The following KCNMB4 variants were observed in gnomAD, a reference collection of about 807,000 sequenced individuals.
The protein encoded by KCNMB4 is potassium calcium-activated channel subfamily M regulatory beta subunit 4, also known as calcium-activated potassium channel subunit beta-4.
Under a neutral mutation model 20.7 loss-of-function variants are expected in KCNMB4, and 3 were observed. The observed-to-expected ratio is 0.14, with a 90% CI of 0.07 to 0.37. The LOEUF (loss-of-function observed/expected upper bound fraction) is 0.37, where lower values mean the gene tolerates loss of function less well. Ranked by LOEUF, KCNMB4 falls within the 10% of genes least tolerant of loss-of-function variation. KCNMB4 has a pLI of 1.00. For synonymous variants in KCNMB4, 110 were observed against 113.4 expected (o/e 0.97, Z 0.19); for missense variants, 168 against 265.9 (o/e 0.63, Z 2.56).
chr12:70,430,781 C>T lies in KCNMB4; in HGVS notation c.*128C>T, dbSNP rs1168823009. On this transcript the variant is annotated 3_prime_UTR_variant, in exon 3 of 3. Transcript: ENST00000258111. The stretch of plus-strand genomic sequence containing the variant: ...ACGACAGGGCTCTGAGAGGCTCATC[C>T]CTCAGTGGCAACAGAAACAGGCACA... 1.2e-6 allele frequency: 1 copy of T among 851,476 alleles called. No individual in the cohort carries two copies. Among genetic ancestry groups the T allele is most frequent in the African/African-American group, 1.8e-5 (1 of 56,100 alleles). 52.7% of individuals were successfully genotyped at this position (851,476 alleles called of 1,614,324 possible). A position where few individuals can be genotyped will look rare whatever the true frequency, so the allele number is the denominator to read the frequency against.
chr12:70,383,554 T>A (rs958067322), intron 1 of KCNMB4, among the ~76,000 whole-genome samples: 2 of 152,212 alleles, frequency 1.3e-5, no homozygotes, highest in Non-Finnish European at 2.9e-5. Context: ...GATTTATTTG[T>A]CCACAGTTCT....
intron 1 of KCNMB4, among the ~76,000 whole-genome samples, chr12:70,375,306 C>T (rs535645643): frequency 2.6e-5 from 4 of 152,044 alleles, no homozygotes; most frequent in Non-Finnish European, 5.9e-5. Flanking sequence ...GGTCAGTGGA[C>T]GGGCAGCATC....
chr12:70,413,018 A>G (rs1049332946), intron 2 of KCNMB4, among the ~76,000 whole-genome samples: 5 of 152,224 alleles, frequency 3.3e-5, no homozygotes, highest in African/African-American at 7.2e-5. Context: ...AGTATTTTCC[A>G]TATACATTTG....
intron 2 of KCNMB4, among the ~76,000 whole-genome samples, chr12:70,425,864 C>T (rs890649786): frequency 2.0e-4 from 30 of 152,304 alleles, no homozygotes; most frequent in African/African-American, 6.7e-4. Context: ...TTTAGCTGGG[C>T]GCAGTGGCTC....
rs1201474212 is a variant in KCNMB4, at chr12:70,432,825, A to C, written c.*2172A>C. 2 of 152,128 alleles carry C rather than the reference A, an allele frequency of 1.3e-5. No individual in the cohort carries two copies. The highest frequency in any genetic ancestry group is 2.9e-5 in the Non-Finnish European group (2 of 68,036). 9.4% of individuals were successfully genotyped at this position (152,128 alleles called of 1,614,324 possible). ...AGACGAAGTCTGCTTTATCCATTTTATCTTTATTCAGTTGTCTATGATTAA... is the reference window on the plus strand; with the variant it reads ...AGACGAAGTCTGCTTTATCCATTTTCTCTTTATTCAGTTGTCTATGATTAA... On this transcript the variant is annotated 3_prime_UTR_variant, in exon 3 of 3. Coordinates refer to ENST00000258111, the MANE Select transcript of KCNMB4 (RefSeq NM_014505.6).
rs142182301 is a variant in KCNMB4, at chr12:70,415,667, G to A, written c.465-14818G>A. Among the ~76,000 whole-genome samples the A allele has an allele frequency of 2.8e-3, 433 of 152,248 alleles. 2 individuals are homozygous for A. Among genetic ancestry groups the A allele is most frequent in the Non-Finnish European group, 3.8e-3 (259 of 68,016 alleles). ...ACCAAACTCTAATCTGTTCTTTCAT[G>A]TCTGCTGAAAAGATACTTCCTTTTT... On this transcript the variant is annotated intron_variant, in intron 2 of 2. Coordinates refer to ENST00000258111, the MANE Select transcript of KCNMB4 (RefSeq NM_014505.6).
At position 70,417,172 on chromosome 12, in the gene KCNMB4, T is replaced by C. The variant is rs76250711; in HGVS notation, c.465-13313T>C. On this transcript the variant is annotated intron_variant, in intron 2 of 2. Transcript: ENST00000258111. ...AATTGGACTTAACCTAATCAGACTT[T>C]AACGACAATTTCCTAAGAGTAAATT... is the stretch of plus-strand genomic sequence containing the variant. Among the ~76,000 whole-genome samples, 136 of 152,348 alleles carry C rather than the reference T, an allele frequency of 8.9e-4. 1 individual carries two copies. The East Asian group carries it at 0.023, about 25-fold the overall frequency.
intron 2 of KCNMB4, among the ~76,000 whole-genome samples, chr12:70,419,494 C>A (rs532751694): frequency 6.6e-6 from 1 of 152,210 alleles, no homozygotes; most frequent in South Asian, 2.1e-4. Flanking sequence ...ACTGATTAAA[C>A]CATGCACTTG....
At chr12:70,416,893 C>A (rs879647647) in intron 2 of KCNMB4, among the ~76,000 whole-genome samples, 18 of 152,038 alleles carry the variant, frequency 1.2e-4, no homozygotes, top group Non-Finnish European at 2.2e-4. Context: ...TTTAAAAAAA[C>A]CGGTGTGTAA....
chr12:70,389,832 C>T (rs1327041975), intron 1 of KCNMB4, among the ~76,000 whole-genome samples: 1 of 152,154 alleles, frequency 6.6e-6, no homozygotes, highest in Non-Finnish European at 1.5e-5. Context: ...GATCCCATGC[C>T]TTCCTCTTTC....
chr12:70,392,173 CTGAA>C (rs1868305423), intron 1 of KCNMB4, among the ~76,000 whole-genome samples: 1 of 152,194 alleles, frequency 6.6e-6, no homozygotes, highest in South Asian at 2.1e-4. Flanking sequence ...ATGAAGCCAT[CTGAA>C]TGTGTGCATG....
chr12:70,425,298 T>C (rs1869181440), intron 2 of KCNMB4, among the ~76,000 whole-genome samples: 1 of 151,644 alleles, frequency 6.6e-6, no homozygotes, highest in Non-Finnish European at 1.5e-5. Context: ...ATTAGCCAGG[T>C]GTGGTGGTGG....
chr12:70,367,906 C>T (rs1233385557), intron 1 of KCNMB4, among the ~76,000 whole-genome samples: 1 of 151,742 alleles, frequency 6.6e-6, no homozygotes, highest in Non-Finnish European at 1.5e-5. Flanking sequence ...GGTTAGGACT[C>T]CCGGGATGGA....
intron 1 of KCNMB4, among the ~76,000 whole-genome samples, chr12:70,368,446 C>T (rs1593317540): frequency 6.6e-6 from 1 of 151,544 alleles, no homozygotes; most frequent in Non-Finnish European, 1.5e-5. Flanking sequence ...AATACATAAG[C>T]AGTAAATATA....
At chr12:70,404,932 AGAGT>A (rs1868554848) in intron 2 of KCNMB4, among the ~76,000 whole-genome samples, 1 of 152,210 alleles carries the variant, frequency 6.6e-6, no homozygotes, top group South Asian at 2.1e-4. Context: ...GTGAACATTT[AGAGT>A]GAGGAGGGAA....
At chr12:70,420,433 G>A (rs1869020586) in intron 2 of KCNMB4, among the ~76,000 whole-genome samples, 1 of 152,146 alleles carries the variant, frequency 6.6e-6, no homozygotes, top group Non-Finnish European at 1.5e-5. Context: ...AGAGAGAGTA[G>A]TAGGGGATGT....
chr12:70,380,237 A>G (rs1170414045), intron 1 of KCNMB4, among the ~76,000 whole-genome samples: 1 of 152,220 alleles, frequency 6.6e-6, no homozygotes, highest in Non-Finnish European at 1.5e-5. Flanking sequence ...ACAGGGGAAC[A>G]GGTGGTTGGT....
intron 1 of KCNMB4, among the ~76,000 whole-genome samples, chr12:70,368,390 GCTC>G (rs905554827): frequency 2.0e-4 from 31 of 151,542 alleles, no homozygotes; most frequent in African/African-American, 6.8e-4. Context: ...AAAAAAAAAT[GCTC>G]CTGTCGACAA....
chr12:70,416,490 A>C (rs1359173296), intron 2 of KCNMB4, among the ~76,000 whole-genome samples: 1 of 152,224 alleles, frequency 6.6e-6, no homozygotes, highest in African/African-American at 2.4e-5. Flanking sequence ...AGAAACTTGA[A>C]GACTGATAGG....
Sources: allele counts gnomAD v4.1 joint callset (sites outside exome capture counted in the v4.1 genomes callset), GRCh38; gene constraint gnomAD v4.1.1; transcripts MANE v1.5; gene names NCBI Gene and HGNC (gene_info 2026-07-23, HGNC 2026-07-21).